DLGAP2: variants seen among roughly 807,000 people sequenced by gnomAD.
DLGAP2 encodes disks large-associated protein 2.
DLGAP2 carries 26 observed loss-of-function variants against 100.3 expected under a neutral mutation model. The ratio of observed to expected loss-of-function variants is 0.26; its 90% CI spans 0.19 to 0.36. The LOEUF (loss-of-function observed/expected upper bound fraction) is 0.36, where lower values mean the gene tolerates loss of function less well. Ranked by LOEUF, DLGAP2 falls within the 10% of genes least tolerant of loss-of-function variation. DLGAP2 has a pLI of 1.00. For synonymous variants in DLGAP2, 886 were observed against 630.1 expected, an observed-to-expected ratio of 1.41 and a Z score of -6.08; for missense variants, 1,858 against 1,453.2, an observed-to-expected ratio of 1.28 and a Z score of -4.53.
intron 1 of DLGAP2, among the ~76,000 whole-genome samples, chr8:770,312 C>T (rs1000137911): frequency 2.6e-5 from 4 of 152,118 alleles, no homozygotes; most frequent in African/African-American, 9.7e-5. Flanking sequence ...AGGCCTTGCT[C>T]CTCCTCCGTG....
chr8:1,316,280 C>G (rs1800746208), intron 3 of DLGAP2, among the ~76,000 whole-genome samples: 1 of 136,128 alleles, frequency 7.3e-6, no homozygotes. Flanking sequence ...TGTGCGAGTG[C>G]AGCGTCTCTC....
chr8:1,656,882 G>T (rs17064188), intron 8 of DLGAP2, among the ~76,000 whole-genome samples: 1,816 of 152,226 alleles, frequency 0.012, 39 homozygotes, highest in African/African-American at 0.042. Context: ...TTCTCAGAGT[G>T]ACACCAACTT....
intron 2 of DLGAP2, among the ~76,000 whole-genome samples, chr8:1,148,684 A>G (rs1255079136): frequency 2.0e-5 from 3 of 152,188 alleles, no homozygotes; most frequent in Non-Finnish European, 4.4e-5. Flanking sequence ...AAAATATTTT[A>G]GAAGTATATT....
intron 3 of DLGAP2, among the ~76,000 whole-genome samples, chr8:1,409,229 G>A (rs1462300070): frequency 2.0e-5 from 3 of 150,246 alleles, no homozygotes; most frequent in Non-Finnish European, 4.4e-5. Context: ...ACCATAGGAA[G>A]CCCATCTCCC....
intron 8 of DLGAP2, among the ~76,000 whole-genome samples, chr8:1,666,928 G>A (rs1272681695): frequency 1.3e-5 from 2 of 152,100 alleles, no homozygotes; most frequent in African/African-American, 2.4e-5. Flanking sequence ...AGCTGCTCTC[G>A]GGCACCGTGT....
rs3220190 is a variant in DLGAP2, at chr8:1,067,604, C to CGTGTGTGTGT, written c.73+159672_73+159681dup. Among the ~76,000 whole-genome samples, 353 of 140,400 alleles carry CGTGTGTGTGT rather than the reference C, an allele frequency of 2.5e-3. 1 individual carries two copies. Among genetic ancestry groups the CGTGTGTGTGT allele is most frequent in the Non-Finnish European group, 3.3e-3 (215 of 64,958 alleles). The allele number at this position is 140,400 out of a possible 152,430, so 92.1% of individuals were successfully genotyped here. On this transcript the variant is annotated intron_variant, in intron 2 of 14. Transcript: ENST00000637795. ...AACCAAGACTCAGGTGGTTGAGTGA[C>CGTGTGTGTGT]GTGTGTGTGTGTGTGTGTGTGTGTG...
chr8:757,118 C>T (rs1820941224), intron 1 of DLGAP2, among the ~76,000 whole-genome samples: 1 of 152,184 alleles, frequency 6.6e-6, no homozygotes, highest in African/African-American at 2.4e-5. Context: ...ACCCCCACCT[C>T]GTGCTGTTTT....
chr8:1,182,203 G>C (rs185599681), intron 2 of DLGAP2, among the ~76,000 whole-genome samples: 1 of 152,346 alleles, frequency 6.6e-6, no homozygotes, highest in East Asian at 1.9e-4. Context: ...GCTCTAAGCA[G>C]GGCAGAAACC....
At chr8:1,076,516 C>T (rs181857911) in intron 2 of DLGAP2, among the ~76,000 whole-genome samples, 68 of 152,370 alleles carry the variant, frequency 4.5e-4, no homozygotes, top group African/African-American at 1.4e-3. Flanking sequence ...GGGTTGGTCT[C>T]GGAAGATGGC....
chr8:1,606,102 T>A (rs1796788087), intron 6 of DLGAP2, among the ~76,000 whole-genome samples: 1 of 152,192 alleles, frequency 6.6e-6, no homozygotes, highest in Non-Finnish European at 1.5e-5. Context: ...TCACTGTCCT[T>A]CCTTGAGGCC....
intron 7 of DLGAP2, 69 bp from the exon 8 acceptor site, chr8:1,632,758 C>T (rs1347957297): frequency 1.3e-6 from 2 of 1,490,738 alleles, no homozygotes; most frequent in Non-Finnish European, 1.8e-6. Flanking sequence ...GCGCGCTCTC[C>T]TGGCTTTTCT....
intron 12 of DLGAP2, among the ~76,000 whole-genome samples, chr8:1,680,380 A>G (rs1798915645): frequency 2.0e-5 from 3 of 152,268 alleles, no homozygotes; most frequent in Admixed American, 1.3e-4. Context: ...TACAGAGAAT[A>G]ACGGCCTTGG....
rs12548689 is a variant in DLGAP2 at position 1,316,974 on chromosome 8, A to T, written c.106+58091A>T. Among the ~76,000 whole-genome samples the T allele has an allele frequency of 1.4e-4, 6 of 42,124 alleles. 1 individual carries two copies. Among genetic ancestry groups the T allele is most frequent in the South Asian group, 7.8e-4 (1 of 1,290 alleles). The allele number at this position is 42,124 out of a possible 152,430, so 27.6% of individuals were successfully genotyped here. A position where few individuals can be genotyped will look rare whatever the true frequency, so the allele number is the denominator to read the frequency against. ...CAGCGTTTAAAAATAGAGCGTGTGCAAGTGCAGCATCTCTCCAACAGTGGT... is the reference window on the plus strand; with the variant it reads ...CAGCGTTTAAAAATAGAGCGTGTGCTAGTGCAGCATCTCTCCAACAGTGGT... On this transcript the variant is annotated intron_variant, in intron 3 of 14. Transcript: ENST00000637795.
At chr8:852,003 G>A (rs1006245546) in intron 1 of DLGAP2, among the ~76,000 whole-genome samples, 9 of 152,188 alleles carry the variant, frequency 5.9e-5, no homozygotes, top group Admixed American at 5.2e-4. Flanking sequence ...GCGGTCCTGG[G>A]ACTCAGCCCC....
intron 5 of DLGAP2, among the ~76,000 whole-genome samples, chr8:1,551,099 G>A (rs1801750434): frequency 6.6e-6 from 1 of 152,254 alleles, no homozygotes; most frequent in South Asian, 2.1e-4. Flanking sequence ...GCTCTGTTTT[G>A]AAAGGAAATG....
At chr8:832,567 G>C (rs1796802384) in intron 1 of DLGAP2, among the ~76,000 whole-genome samples, 1 of 152,182 alleles carries the variant, frequency 6.6e-6, no homozygotes, top group African/African-American at 2.4e-5. Flanking sequence ...TACTATTAAA[G>C]TTTTCTAATG....
At chr8:1,679,951 G>A (rs1271011253) in intron 12 of DLGAP2, among the ~76,000 whole-genome samples, 2 of 127,026 alleles carry the variant, frequency 1.6e-5, no homozygotes, top group Non-Finnish European at 3.1e-5. Context: ...TTGCACTCCA[G>A]CCTGGGCAAC....
intron 2 of DLGAP2, among the ~76,000 whole-genome samples, chr8:1,137,084 A>G (rs1796430302): frequency 6.6e-6 from 1 of 152,192 alleles, no homozygotes; most frequent in Non-Finnish European, 1.5e-5. Flanking sequence ...GTCGAGGACA[A>G]GGGGCCCATA....
intron 3 of DLGAP2, among the ~76,000 whole-genome samples, chr8:1,386,029 T>G (rs573549753): frequency 7.3e-6 from 1 of 136,904 alleles, no homozygotes; most frequent in South Asian, 2.9e-4. Context: ...TTAAATCTCT[T>G]GTTACAAAAA....
Sources: allele counts gnomAD v4.1 joint callset (sites outside exome capture counted in the v4.1 genomes callset), GRCh38; gene constraint gnomAD v4.1.1; transcripts MANE v1.5; gene names NCBI Gene and HGNC (gene_info 2026-07-23, HGNC 2026-07-21).